Variants in KLF3 observed in about 807,000 individuals in gnomAD.
The protein encoded by KLF3 is Krueppel-like factor 3.
KLF3 carries 6 observed loss-of-function variants against 32.7 expected under a neutral mutation model. That is an observed-to-expected ratio of 0.18 (90% CI 0.10 to 0.36). The LOEUF is 0.36. KLF3 is among the 10% of genes least tolerant of loss of function. The pLI, the probability that KLF3 is intolerant of heterozygous loss-of-function variation, is 1.00. For synonymous variants in KLF3, 145 were observed against 172.8 expected, an observed-to-expected ratio of 0.84 and a Z score of 1.26; for missense variants, 338 against 449.7, an observed-to-expected ratio of 0.75 and a Z score of 2.25.
intron 1 of KLF3, among the ~76,000 whole-genome samples, chr4:38,677,086 G>A (rs947335309): frequency 1.3e-5 from 2 of 150,374 alleles, no homozygotes; most frequent in Non-Finnish European, 3.0e-5. Context: ...TCAGCCTCCC[G>A]AATAGCTGGG....
intron 2 of KLF3, among the ~76,000 whole-genome samples, chr4:38,686,936 C>T (rs995191390): frequency 1.3e-5 from 2 of 152,160 alleles, no homozygotes; most frequent in East Asian, 1.9e-4. Context: ...CATAACCAGC[C>T]GAGGATTCGC....
At chr4:38,681,443 A>T (rs1168498145) in intron 2 of KLF3, among the ~76,000 whole-genome samples, 1 of 152,206 alleles carries the variant, frequency 6.6e-6, no homozygotes, top group East Asian at 1.9e-4. Context: ...TTTACTTGGA[A>T]GAGTCTGGCT....
In KLF3 at chr4:38,689,026, G is replaced by A. The variant is rs145534981; in HGVS notation, c.499G>A (p.Val167Ile). 184 of 1,614,126 alleles carry A rather than the reference G, an allele frequency of 1.1e-4. 1 individual carries two copies. The highest frequency in any genetic ancestry group is 2.0e-4 in the Admixed American group (12 of 60,006). ...YTSHLQQPLM[V>I]SLSEEMENSS... ...AAGTCACCTCCAGCAGCCTCTCATG[G>A]TCTCCTTATCGGAGGAGATGGAAAA... is the stretch of plus-strand genomic sequence containing the variant. Residue 167 changes from valine to isoleucine, a missense_variant, in exon 3 of 6, where the codon GTC becomes ATC. Val to Ile is a conservative substitution (Grantham distance 29). Coordinates refer to ENST00000261438, the MANE Select transcript of KLF3 (RefSeq NM_016531.6).
rs1723139211 is a variant in KLF3, at chr4:38,699,347, T to TA, written c.*2085dup. On this transcript the variant is annotated 3_prime_UTR_variant, in exon 6 of 6. Transcript: ENST00000261438. ...ATAAAATGGCTCTTTGAAAAGTAGATATTGTCTGTATTGTAAATGCTTAGT... is the reference window on the plus strand; with the variant it reads ...ATAAAATGGCTCTTTGAAAAGTAGATAATTGTCTGTATTGTAAATGCTTAGT... 1 of 152,206 alleles carries TA rather than the reference T, an allele frequency of 6.6e-6. No individual in the cohort carries two copies. Among genetic ancestry groups the TA allele is most frequent in the Admixed American group, 6.5e-5 (1 of 15,282 alleles). The allele number at this position is 152,206 out of a possible 1,614,324, so 9.4% of individuals were successfully genotyped here.
At chr4:38,684,363 G>A (rs1048486531) in intron 2 of KLF3, among the ~76,000 whole-genome samples, 5 of 152,188 alleles carry the variant, frequency 3.3e-5, no homozygotes, top group African/African-American at 4.8e-5. Context: ...CATTCATCAA[G>A]TATTAATTGA....
intron 4 of KLF3, among the ~76,000 whole-genome samples, 180 bp from the exon 5 acceptor site, chr4:38,694,566 C>T (rs935623529): frequency 1.3e-5 from 2 of 152,290 alleles, no homozygotes; most frequent in South Asian, 2.1e-4. Flanking sequence ...GGTGCTCACT[C>T]AATGTTTGTT....
intron 4 of KLF3, among the ~76,000 whole-genome samples, chr4:38,691,556 C>G (rs998239613): frequency 6.6e-6 from 1 of 152,148 alleles, no homozygotes; most frequent in Admixed American, 6.6e-5. Flanking sequence ...TGAGTTGCAA[C>G]GTAAAACATT....
At chr4:38,667,169 TAAA>T (rs1722069953) in intron 1 of KLF3, among the ~76,000 whole-genome samples, 1 of 152,198 alleles carries the variant, frequency 6.6e-6, no homozygotes, top group Non-Finnish European at 1.5e-5. Flanking sequence ...GTTGTTGTCT[TAAA>T]AAACTCCAGC....
At chr4:38,695,393 C>T (rs1723019200) in intron 5 of KLF3, among the ~76,000 whole-genome samples, 2 of 152,166 alleles carry the variant, frequency 1.3e-5, no homozygotes, top group Admixed American at 1.3e-4. Context: ...GTCTTCTAAA[C>T]TTGAGGGAAC....
chr4:38,694,680 T>C (rs1365578308), intron 4 of KLF3, 66 bp from the exon 5 acceptor site: 1 of 1,384,182 alleles, frequency 7.2e-7, no homozygotes, highest in Non-Finnish European at 9.7e-7. Flanking sequence ...GTTAATGCTT[T>C]TAGTAGACTG....
chr4:38,692,431 G>A (rs1398162324), intron 4 of KLF3, among the ~76,000 whole-genome samples: 3 of 152,200 alleles, frequency 2.0e-5, no homozygotes, highest in African/African-American at 7.2e-5. Context: ...AAAAACTCAT[G>A]AAATTAAACA....
chr4:38,689,060 G>A lies in KLF3; in HGVS notation c.533G>A (p.Ser178Asn), dbSNP rs1722794185. 6.2e-7 allele frequency: 1 copy of A among 1,613,152 alleles called. No individual in the cohort carries two copies. The highest frequency in any genetic ancestry group is 8.5e-7 in the Non-Finnish European group (1 of 1,179,100). ...SLSEEMENSS[S>N]SMQVPVIESY... ...TCGGAGGAGATGGAAAATTCCAGTA[G>A]TAGCATGCAAGGTAAATTCCGCCAC... Residue 178 changes from serine (S) to asparagine (N), a missense_variant, in exon 3 of 6, where the codon AGT becomes AAT. By Grantham distance (46) the Ser-to-Asn change is conservative. Transcript: ENST00000261438.
chr4:38,689,123 T>C, intron 3 of KLF3, 52 bp downstream of exon 3: 1 of 1,594,156 alleles, frequency 6.3e-7, no homozygotes, highest in Non-Finnish European at 8.6e-7. Context: ...GTACTGGCGC[T>C]TCACCAGATG....
At chr4:38,673,980 C>T (rs1722271455) in intron 1 of KLF3, among the ~76,000 whole-genome samples, 1 of 152,098 alleles carries the variant, frequency 6.6e-6, no homozygotes, top group Admixed American at 6.5e-5. Context: ...CATTATATTT[C>T]ATCTGAAATG....
intron 2 of KLF3, among the ~76,000 whole-genome samples, chr4:38,686,860 G>A (rs1194203134): frequency 6.6e-6 from 1 of 152,234 alleles, no homozygotes; most frequent in African/African-American, 2.4e-5. Context: ...CTAACAGGCT[G>A]CTCTGCAGGC....
chr4:38,697,311 C>G lies in KLF3; in HGVS notation c.*48C>G, dbSNP rs756852332. ...CGTGACTCCCCACTCACCTGGCTCT[C>G]TCTCTGTCCTGCCTCCCATTATCTA... On this transcript the variant is annotated 3_prime_UTR_variant, in exon 6 of 6. Transcript: ENST00000261438. 2.0e-6 allele frequency: 3 copies of G among 1,487,482 alleles called. No individual in the cohort carries two copies. The highest frequency in any genetic ancestry group is 9.1e-7 in the Non-Finnish European group (1 of 1,094,534). The allele number at this position is 1,487,482 out of a possible 1,614,324, so 92.1% of individuals were successfully genotyped here. A position where few individuals can be genotyped will look rare whatever the true frequency, so the allele number is the denominator to read the frequency against.
intron 1 of KLF3, among the ~76,000 whole-genome samples, chr4:38,672,369 G>C (rs1017161532): frequency 1.3e-5 from 2 of 152,190 alleles, no homozygotes. Context: ...ACTGGTGGCG[G>C]TGTGGGACGC....
intron 5 of KLF3, among the ~76,000 whole-genome samples, chr4:38,696,570 C>G (rs76507854): frequency 0.015 from 2,360 of 152,266 alleles, 56 homozygotes; most frequent in African/African-American, 0.054. Flanking sequence ...AAGCATTATA[C>G]TTAGGCCTAA....
intron 1 of KLF3, among the ~76,000 whole-genome samples, chr4:38,678,008 C>T (rs188816563): frequency 4.5e-4 from 69 of 152,044 alleles, no homozygotes; most frequent in African/African-American, 1.4e-3. Flanking sequence ...CCCATGGCTG[C>T]GTTAGTTTGC....
Sources: gnomAD v4.1 joint callset for allele counts (sites outside exome capture counted in the v4.1 genomes callset) on GRCh38, gnomAD v4.1.1 for gene constraint, MANE v1.5 for transcripts, NCBI Gene and HGNC (gene_info 2026-07-23, HGNC 2026-07-21) for gene names.